LRP11: variants seen among roughly 807,000 people sequenced by gnomAD.
The protein encoded by LRP11 is low-density lipoprotein receptor-related protein 11.
Under a neutral mutation model 43.1 loss-of-function variants are expected in LRP11, and 25 were observed. That is an observed-to-expected ratio of 0.58 (90% CI 0.42 to 0.81). The LOEUF (loss-of-function observed/expected upper bound fraction) is 0.81. Among genes scored for constraint, LRP11 ranks in the 30% least tolerant of loss-of-function variants. The pLI is 0.00. For synonymous variants in LRP11, 316 were observed against 299.4 expected (o/e 1.06, Z -0.57); for missense variants, 623 against 665.1 (o/e 0.94, Z 0.70).
At chr6:149,828,017 G>A (rs1467793673) in intron 5 of LRP11, among the ~76,000 whole-genome samples, 4 of 132,928 alleles carry the variant, frequency 3.0e-5, no homozygotes, top group South Asian at 2.4e-4. Context: ...GCAAGACTCC[G>A]TCTCAAAAAA....
Position 149,826,376 on chromosome 6 carries a change from GAACA to G in LRP11, c.1253-21_1253-18del. ...AACTACTATCTGCAGAAAAGAAAGA[GAACA>G]TATATTGAAGGTGTATGCATCAGAA... On this transcript the variant is annotated intron_variant, in intron 5 of 6. Coordinates refer to ENST00000239367, the MANE Select transcript of LRP11 (RefSeq NM_032832.6). 13 of 1,571,196 alleles carry G rather than the reference GAACA, an allele frequency of 8.3e-6. No individual in the cohort carries two copies. The highest frequency in any genetic ancestry group is 1.1e-5 in the Non-Finnish European group (13 of 1,141,362).
chr6:149,843,756 C>T (rs1429379261), intron 2 of LRP11, among the ~76,000 whole-genome samples: 2 of 152,258 alleles, frequency 1.3e-5, no homozygotes, highest in East Asian at 3.9e-4. Flanking sequence ...AGCCACAGCC[C>T]CGCTTCCTTC....
rs1002380051 is a variant in LRP11, at chr6:149,852,142, C to G, written c.771+861G>C. ...TGGGTGGGGACAAAGGCAAACCATA[C>G]TGGACGAGGGTGAGTCCAATTCTAA... On this transcript the variant is annotated intron_variant, in intron 2 of 6. Transcript: ENST00000239367. Among the ~76,000 whole-genome samples the G allele has an allele frequency of 2.6e-5, 4 of 152,270 alleles. No homozygotes were observed. In the South Asian group the frequency reaches 8.3e-4, roughly 32 times the overall value.
intron 3 of LRP11, among the ~76,000 whole-genome samples, chr6:149,838,731 G>A (rs1277818987): frequency 6.6e-6 from 1 of 151,562 alleles, no homozygotes; most frequent in Non-Finnish European, 1.5e-5. Flanking sequence ...CCCTTCTGGA[G>A]TTCTTAGGAG....
At chr6:149,838,826 T>C in intron 3 of LRP11, among the ~76,000 whole-genome samples, 1 of 152,186 alleles carries the variant, frequency 6.6e-6, no homozygotes, top group Admixed American at 6.6e-5. Flanking sequence ...GCCAACTTTA[T>C]TAGACTTAGC....
At chr6:149,826,469 T>C in intron 5 of LRP11, 110 bp from the exon 6 acceptor site, 2 of 705,276 alleles carry the variant, frequency 2.8e-6, no homozygotes, top group Non-Finnish European at 4.8e-6. Context: ...AGAGAAGAAC[T>C]GTTTATTTCT....
chr6:149,826,326 T>C lies in LRP11; in HGVS notation c.1286A>G (p.Glu429Gly), dbSNP rs765294761. 3.7e-6 allele frequency: 6 copies of C among 1,613,558 alleles called. No homozygotes were observed. The highest frequency in any genetic ancestry group is 4.2e-6 in the Non-Finnish European group (5 of 1,179,594). ...SSSSGKNRKE[E>G]SYIFESKGDG... is the part of the protein sequence containing the mutation. ...ACCCTTTGACTCAAATATATAACTT[T>C]CCTCTTTTCTGTTCTTCCCTGAGGA... The change falls in exon 6 of 7, where the codon GAA (glutamate) becomes GGA (glycine). Residue 429 changes from glutamate to glycine, a missense_variant. Glu to Gly is a moderately conservative substitution (Grantham distance 98). Coordinates refer to ENST00000239367, the MANE Select transcript of LRP11 (RefSeq NM_032832.6).
chr6:149,822,501 T>TA (rs35135120), intron 6 of LRP11, among the ~76,000 whole-genome samples: 3,053 of 143,586 alleles, frequency 0.021, 104 homozygotes, highest in African/African-American at 0.067. Flanking sequence ...GATCCTGTCT[T>TA]AAAAAAAAAA....
chr6:149,847,338 ACCTCAG>A (rs1425929818), intron 2 of LRP11, among the ~76,000 whole-genome samples: 1 of 152,140 alleles, frequency 6.6e-6, no homozygotes, highest in East Asian at 1.9e-4. Context: ...TGATGATATC[ACCTCAG>A]CCTCCTGAGC....
chr6:149,852,810 G>A (rs1273366612), intron 2 of LRP11, among the ~76,000 whole-genome samples, 193 bp downstream of exon 2: 3 of 140,684 alleles, frequency 2.1e-5, no homozygotes, highest in Admixed American at 7.6e-5. Flanking sequence ...ACAAATGATC[G>A]AGATTGCTGC....
At position 149,827,433 on chromosome 6, in the gene LRP11, T is replaced by C. The variant is rs1244921938; in HGVS notation, c.1253-1074A>G. On this transcript the variant is annotated intron_variant, in intron 5 of 6. Transcript: ENST00000239367. The surrounding 1 kb of genome is among the most constrained non-coding windows in gnomAD (Gnocchi z 4.2). ...GTAGTATATAAAATTCTTTGGTAAC[T>C]TGCATTTTGCAAATTTACTAAGTCA... Among the ~76,000 whole-genome samples, 1 of 152,256 alleles carries C rather than the reference T, an allele frequency of 6.6e-6. No individual in the cohort carries two copies.
At chr6:149,822,789 TTGCCTGAGTGATTTTGA>T (rs1210471808) in intron 6 of LRP11, among the ~76,000 whole-genome samples, 2 of 152,366 alleles carry the variant, frequency 1.3e-5, no homozygotes, top group East Asian at 3.9e-4. Context: ...TGTAGGATTT[TTGCCTGAGTGATTTTGA>T]TGTATGATAG....
chr6:149,850,464 A>G (rs1423320928), intron 2 of LRP11, among the ~76,000 whole-genome samples: 1 of 152,224 alleles, frequency 6.6e-6, no homozygotes, highest in African/African-American at 2.4e-5. Flanking sequence ...ATATAATATG[A>G]ATATTTTTCA....
chr6:149,845,252 T>C (rs1776615043), intron 2 of LRP11, among the ~76,000 whole-genome samples: 1 of 152,226 alleles, frequency 6.6e-6, no homozygotes, highest in East Asian at 1.9e-4. Flanking sequence ...CGCTTAAATA[T>C]ATCCACCATC....
At position 149,819,820 on chromosome 6, in the gene LRP11, T is replaced by G. The variant is rs1776254775; in HGVS notation, c.*729A>C. On this transcript the variant is annotated 3_prime_UTR_variant, in exon 7 of 7. Coordinates refer to ENST00000239367, the MANE Select transcript of LRP11 (RefSeq NM_032832.6). ...ACTAAGTTTCTGTTAGTTTTTGGCA[T>G]GCCAGATTCTCTGCTTCCATCTTGA... 1.3e-5 allele frequency: 2 copies of G among 152,242 alleles called. No homozygotes were observed. Among genetic ancestry groups the G allele is most frequent in the South Asian group, 4.1e-4 (2 of 4,832 alleles). The allele number at this position is 152,242 out of a possible 1,614,324, so 9.4% of individuals were successfully genotyped here. A position where few individuals can be genotyped will look rare whatever the true frequency, so the allele number is the denominator to read the frequency against.
rs763939963 is a variant in LRP11, at chr6:149,837,490, A to C, written c.914-27T>G. The C allele has an allele frequency of 3.1e-6, 5 of 1,608,808 alleles. No homozygotes were observed. The East Asian group carries it at 8.9e-5, about 29-fold the overall frequency. On this transcript the variant is annotated intron_variant, in intron 3 of 6. Coordinates refer to ENST00000239367, the MANE Select transcript of LRP11 (RefSeq NM_032832.6). ...TATTTGTAAACAAATCTCAAGTCACACGAGTGCAGAAGTTCAGACTCTCAA... is the reference window on the plus strand; with the variant it reads ...TATTTGTAAACAAATCTCAAGTCACCCGAGTGCAGAAGTTCAGACTCTCAA...
chr6:149,847,698 GT>G (rs1416551144), intron 2 of LRP11, among the ~76,000 whole-genome samples: 2 of 152,142 alleles, frequency 1.3e-5, no homozygotes, highest in African/African-American at 4.8e-5. Context: ...ACAGCCTTTG[GT>G]GGTTGGCTTC....
intron 1 of LRP11, among the ~76,000 whole-genome samples, chr6:149,862,151 C>T (rs79267012): frequency 6.6e-6 from 1 of 152,234 alleles, no homozygotes; most frequent in East Asian, 1.9e-4. Flanking sequence ...GCCAAGCAGT[C>T]GCAGGGTGAC....
chr6:149,846,915 C>G (rs903177661), intron 2 of LRP11, among the ~76,000 whole-genome samples: 14 of 151,284 alleles, frequency 9.3e-5, no homozygotes, highest in Admixed American at 1.3e-4. Flanking sequence ...GCCTGGGTGA[C>G]AGAGCGAGAT....
Sources: allele counts gnomAD v4.1 joint callset (sites outside exome capture counted in the v4.1 genomes callset), GRCh38; gene constraint gnomAD v4.1.1; non-coding constraint Gnocchi (gnomAD v3.1); transcripts MANE v1.5; gene names NCBI Gene and HGNC (gene_info 2026-07-23, HGNC 2026-07-21).